The following RGSL1 variants were observed in gnomAD, a reference collection of about 807,000 sequenced individuals.
RGSL1 encodes the protein regulator of G protein signaling like 1, also known as regulator of G protein signaling protein-like.
In RGSL1, 97 loss-of-function variants were observed where a neutral mutation model predicts 124.7. The observed-to-expected ratio is 0.78, with a 90% CI of 0.66 to 0.92. The LOEUF (loss-of-function observed/expected upper bound fraction) is 0.92, where lower values mean the gene tolerates loss of function less well. Ranked by LOEUF, RGSL1 falls within the 40% of genes least tolerant of loss-of-function variation. RGSL1 has a pLI of 0.00. For synonymous variants in RGSL1, 424 were observed against 438.1 expected, an observed-to-expected ratio of 0.97 and a Z score of 0.40; for missense variants, 1,233 against 1,288.4, an observed-to-expected ratio of 0.96 and a Z score of 0.66.
chr1:182,477,078 G>A (rs1003275921), intron 6 of RGSL1, among the ~76,000 whole-genome samples: 4 of 152,144 alleles, frequency 2.6e-5, no homozygotes, highest in Non-Finnish European at 5.9e-5. Context: ...TAGAAACATG[G>A]ACTTGCCAAC....
chr1:182,452,335 G>A (rs1260595623), intron 1 of RGSL1, among the ~76,000 whole-genome samples: 2 of 152,134 alleles, frequency 1.3e-5, no homozygotes, highest in Admixed American at 6.5e-5. Flanking sequence ...AGAGCAGAGG[G>A]CTTGGGAGGG....
chr1:182,508,057 G>A (rs1571601402), intron 9 of RGSL1, among the ~76,000 whole-genome samples: 1 of 152,108 alleles, frequency 6.6e-6, no homozygotes, highest in Middle Eastern at 3.4e-3. Flanking sequence ...TAATAGAATT[G>A]CTGTGTTACA....
chr1:182,513,190 C>T (rs1393209358), intron 9 of RGSL1, among the ~76,000 whole-genome samples: 2 of 152,182 alleles, frequency 1.3e-5, no homozygotes, highest in Non-Finnish European at 2.9e-5. Flanking sequence ...CATCTAACTG[C>T]CATTAGAATA....
intron 6 of RGSL1, among the ~76,000 whole-genome samples, chr1:182,477,884 C>T (rs939643319): frequency 7.2e-5 from 11 of 152,098 alleles, no homozygotes; most frequent in African/African-American, 1.9e-4. Context: ...CTCCGTCAAG[C>T]GTACACACAC....
intron 10 of RGSL1, among the ~76,000 whole-genome samples, chr1:182,523,026 C>CT (rs147240587): frequency 0.86 from 129,662 of 150,156 alleles, 56,319 homozygotes; most frequent in Non-Finnish European, 0.89. Flanking sequence ...AAAACATTTT[C>CT]TTTTTTTTAA....
chr1:182,547,993 G>A (rs528155424), intron 15 of RGSL1, among the ~76,000 whole-genome samples: 1 of 152,318 alleles, frequency 6.6e-6, no homozygotes, highest in South Asian at 2.1e-4. Context: ...CACAGGAGAG[G>A]GAAGAGCAAG....
At chr1:182,552,538 G>T in intron 18 of RGSL1, among the ~76,000 whole-genome samples, 1 of 152,212 alleles carries the variant, frequency 6.6e-6, no homozygotes, top group South Asian at 2.1e-4. Context: ...TCTGGGAACA[G>T]CATCAGAGAG....
chr1:182,537,227 G>C (rs2102289585), intron 14 of RGSL1, among the ~76,000 whole-genome samples: 1 of 152,254 alleles, frequency 6.6e-6, no homozygotes, highest in South Asian at 2.1e-4. Flanking sequence ...GTAACAGGTT[G>C]CAGTCAAAAT....
chr1:182,476,880 C>T (rs1654327056), intron 6 of RGSL1, among the ~76,000 whole-genome samples: 1 of 152,134 alleles, frequency 6.6e-6, no homozygotes, highest in African/African-American at 2.4e-5. Flanking sequence ...ATGGCTTAGT[C>T]TCTCACTCCC....
chr1:182,532,556 G>A (rs1659249228), intron 13 of RGSL1, 106 bp from the exon 14 acceptor site: 1 of 1,039,146 alleles, frequency 9.6e-7, no homozygotes, highest in Admixed American at 2.6e-5. Context: ...TTACGGAGGT[G>A]TTGTGAGGAT....
At chr1:182,536,459 T>C (rs1659546635) in intron 14 of RGSL1, among the ~76,000 whole-genome samples, 1 of 152,230 alleles carries the variant, frequency 6.6e-6, no homozygotes, top group South Asian at 2.1e-4. Flanking sequence ...CACCAACCTT[T>C]GGTATTATCT....
chr1:182,553,473 G>T lies in RGSL1; in HGVS notation c.3062G>T (p.Arg1021Met). Reference protein sequence around the residue: ...FSSGGDNAILRFTLLRGIEWL... With the variant: ...FSSGGDNAILMFTLLRGIEWL... ...TCCCCAGGAGACAATGCCATCTTAA[G>T]GTTCACCTTGCTCAGAGGTATTGAG... The change falls in exon 19 of 22, where the codon AGG (arginine) becomes ATG (methionine). Residue 1021 changes from arginine (R) to methionine (M), a missense_variant. By Grantham distance (91) the Arg-to-Met change is moderately conservative. Transcript: ENST00000294854. 6.4e-7 allele frequency: 1 copy of T among 1,551,936 alleles called. No homozygotes were observed. The highest frequency in any genetic ancestry group is 1.2e-5 in the South Asian group (1 of 84,030).
Position 182,477,450 on chromosome 1 carries a change from C to T in RGSL1, c.1431+2908C>T, listed in dbSNP as rs201413458. ...ACTGCAGTCACAGAAGAAATATCGT[C>T]TGCCCTGAGATCCAGCAGGAACCAC... On this transcript the variant is annotated intron_variant, in intron 6 of 21. Coordinates refer to ENST00000294854, the MANE Select transcript of RGSL1 (RefSeq NM_001137669.2). Among the ~76,000 whole-genome samples, 13 of 152,202 alleles carry T rather than the reference C, an allele frequency of 8.5e-5. No homozygotes were observed. The East Asian group carries it at 2.5e-3, about 29-fold the overall frequency.
intron 9 of RGSL1, among the ~76,000 whole-genome samples, chr1:182,512,513 G>A (rs964071257): frequency 1.3e-5 from 2 of 152,176 alleles, no homozygotes; most frequent in African/African-American, 4.8e-5. Flanking sequence ...AGACAGGCAG[G>A]TTCAGGAGCC....
chr1:182,515,256 T>C (rs928544520), intron 9 of RGSL1, among the ~76,000 whole-genome samples: 4 of 152,182 alleles, frequency 2.6e-5, no homozygotes, highest in African/African-American at 9.7e-5. Flanking sequence ...TGGTCTCCTT[T>C]CATGAAGCAG....
At chr1:182,492,268 A>G (rs1480518523) in intron 8 of RGSL1, among the ~76,000 whole-genome samples, 1 of 152,158 alleles carries the variant, frequency 6.6e-6, no homozygotes, top group Non-Finnish European at 1.5e-5. Flanking sequence ...GAGTATCGCT[A>G]GAATCTAGGA....
At chr1:182,492,877 T>C in intron 8 of RGSL1, 145 bp from the exon 9 acceptor site, 1 of 637,318 alleles carries the variant, frequency 1.6e-6, no homozygotes, top group Non-Finnish European at 2.8e-6. Flanking sequence ...GATCCACCCA[T>C]CTCAGCCTCC....
intron 1 of RGSL1, among the ~76,000 whole-genome samples, chr1:182,452,360 C>T (rs1651913010): frequency 6.6e-6 from 1 of 152,004 alleles, no homozygotes; most frequent in Non-Finnish European, 1.5e-5. Context: ...ACATAAAACA[C>T]ACATAGCACT....
chr1:182,488,648 C>A (rs1655280869), intron 7 of RGSL1: 2 of 352,410 alleles, frequency 5.7e-6, no homozygotes, highest in South Asian at 6.5e-5. Flanking sequence ...ATGGTGTGAA[C>A]CCGGGAGGCG....
Sources: allele counts gnomAD v4.1 joint callset (sites outside exome capture counted in the v4.1 genomes callset), GRCh38; gene constraint gnomAD v4.1.1; transcripts MANE v1.5; gene names NCBI Gene and HGNC (gene_info 2026-07-23, HGNC 2026-07-21).